SLC22A25: variants seen among roughly 807,000 people sequenced by gnomAD.
The protein encoded by SLC22A25 is solute carrier family 22 member 25.
A neutral mutation model predicts 45.9 loss-of-function variants in SLC22A25; 44 were observed. The observed-to-expected ratio is 0.96, with a 90% CI of 0.75 to 1.23. SLC22A25 has a LOEUF of 1.23. SLC22A25 is among the 50% of genes most tolerant of loss of function. SLC22A25 has a pLI of 0.00. For missense variants in SLC22A25, 800 were observed against 666.4 expected, an observed-to-expected ratio of 1.20 and a Z score of -2.21; for synonymous variants, 283 against 238.6, an observed-to-expected ratio of 1.19 and a Z score of -1.72.
intron 3 of SLC22A25, among the ~76,000 whole-genome samples, chr11:63,235,916 C>A (rs1294859637): frequency 6.6e-6 from 1 of 152,176 alleles, no homozygotes; most frequent in Non-Finnish European, 1.5e-5. Flanking sequence ...TACCCCAGAG[C>A]CTGTTTGCCT....
chr11:63,238,880 C>T lies in SLC22A25; in HGVS notation c.-740G>A, dbSNP rs2090205036. 4.1e-6 allele frequency: 1 copy of T among 241,522 alleles called. No homozygotes were observed. Among genetic ancestry groups the T allele is most frequent in the Admixed American group, 4.2e-5 (1 of 23,968 alleles). 15.0% of individuals were successfully genotyped at this position (241,522 alleles called of 1,614,324 possible). On this transcript the variant is annotated 5_prime_UTR_variant, in exon 2 of 12. Transcript: ENST00000306494. Reference sequence around the variant, plus strand: ...CGTTTCTGTGGCCTCAGGTTTGAGTCCAGTGAGATAGAGATTCTCAGGAGG... The same window carrying T: ...CGTTTCTGTGGCCTCAGGTTTGAGTTCAGTGAGATAGAGATTCTCAGGAGG...
Position 63,177,864 on chromosome 11 carries a change from A to AATATATATATAATGTATATATATAAT in SLC22A25, c.1070+2795_1070+2796insATTATATATATACATTATATATATAT, listed in dbSNP as rs58895817. On this transcript the variant is annotated intron_variant, in intron 9 of 11. Transcript: ENST00000306494. ...GTATATATATATAATGTATATATAT[A>AATATATATATAATGTATATATATAAT]ATATATATAATGTATATATATAATA... is the stretch of plus-strand genomic sequence containing the variant. 3.5e-4 allele frequency among the ~76,000 whole-genome samples: 11 copies of AATATATATATAATGTATATATATAAT among 31,068 alleles called. 1 individual carries two copies. Among genetic ancestry groups the AATATATATATAATGTATATATATAAT allele is most frequent in the African/African-American group, 1.2e-3 (11 of 9,506 alleles). The allele number at this position is 31,068 out of a possible 152,430, so 20.4% of individuals were successfully genotyped here. A position where few individuals can be genotyped will look rare whatever the true frequency, so the allele number is the denominator to read the frequency against.
chr11:63,166,697 T>A (rs1346274396), intron 9 of SLC22A25: 1 of 998,864 alleles, frequency 1.0e-6, no homozygotes, highest in Non-Finnish European at 1.2e-6. Flanking sequence ...CAATCAGGAA[T>A]GTTTACTAAA....
chr11:63,226,030 T>A (rs2089955381), intron 5 of SLC22A25, among the ~76,000 whole-genome samples: 1 of 152,182 alleles, frequency 6.6e-6, no homozygotes, highest in African/African-American at 2.4e-5. Flanking sequence ...TCTAATAGGA[T>A]TCTGAATTCC....
At chr11:63,225,799 T>C (rs183907558) in intron 5 of SLC22A25, among the ~76,000 whole-genome samples, 10 of 152,286 alleles carry the variant, frequency 6.6e-5, no homozygotes, top group Non-Finnish European at 1.5e-4. Flanking sequence ...CTAGATGTTG[T>C]GGGAGTGCTT....
chr11:63,164,096 A>G, intron 11 of SLC22A25, 23 bp from the exon 12 acceptor site: 2 of 1,544,800 alleles, frequency 1.3e-6, no homozygotes, highest in Non-Finnish European at 1.7e-6. Context: ...ACAGCAACAG[A>G]GGAAAAGTTG....
intron 7 of SLC22A25, among the ~76,000 whole-genome samples, chr11:63,206,730 C>T (rs2089414928): frequency 6.6e-6 from 1 of 152,176 alleles, no homozygotes; most frequent in African/African-American, 2.4e-5. Flanking sequence ...AGATTCAATG[C>T]TATCCCCAAC....
At chr11:63,206,816 T>C (rs1207764491) in intron 7 of SLC22A25, among the ~76,000 whole-genome samples, 2 of 152,318 alleles carry the variant, frequency 1.3e-5, no homozygotes, top group South Asian at 2.1e-4. Flanking sequence ...AGAGCCTACG[T>C]AGCCAAGGCA....
intron 7 of SLC22A25, among the ~76,000 whole-genome samples, chr11:63,192,058 T>G (rs1384014362): frequency 1.3e-5 from 2 of 152,026 alleles, no homozygotes; most frequent in Non-Finnish European, 2.9e-5. Flanking sequence ...GAAATGATGA[T>G]AGAAAAAATG....
chr11:63,198,134 A>G (rs1231580650), intron 7 of SLC22A25, among the ~76,000 whole-genome samples: 2 of 152,214 alleles, frequency 1.3e-5, no homozygotes, highest in South Asian at 2.1e-4. Context: ...TGAGACTGTA[A>G]ACTAGTTCAA....
intron 5 of SLC22A25, chr11:63,220,072 A>C (rs1431953972): frequency 1.7e-6 from 2 of 1,164,150 alleles, no homozygotes; most frequent in Non-Finnish European, 2.3e-6. Context: ...CAAACTTCTC[A>C]TGTCACAGAC....
chr11:63,185,436 C>G (rs1349910711), intron 7 of SLC22A25, among the ~76,000 whole-genome samples: 1 of 151,674 alleles, frequency 6.6e-6, no homozygotes, highest in Non-Finnish European at 1.5e-5. Flanking sequence ...TGGTTTCCAG[C>G]TTCATCCATG....
chr11:63,225,321 T>G (rs1237300825), intron 5 of SLC22A25, among the ~76,000 whole-genome samples: 1 of 152,184 alleles, frequency 6.6e-6, no homozygotes, highest in African/African-American at 2.4e-5. Flanking sequence ...ACAGGTCTGG[T>G]GTTGATGAAA....
chr11:63,211,242 A>C (rs535079474), intron 7 of SLC22A25, among the ~76,000 whole-genome samples: 22 of 152,244 alleles, frequency 1.4e-4, no homozygotes, highest in African/African-American at 4.6e-4. Flanking sequence ...ATAACAAAAC[A>C]TCTAAATCAG....
chr11:63,168,703 A>G (rs1236688499), intron 9 of SLC22A25, among the ~76,000 whole-genome samples: 2 of 152,204 alleles, frequency 1.3e-5, no homozygotes, highest in Non-Finnish European at 2.9e-5. Flanking sequence ...GGTGTACCTG[A>G]AAGTGACAGG....
chr11:63,180,389 G>T (rs1038795964), intron 9 of SLC22A25, among the ~76,000 whole-genome samples: 4 of 152,118 alleles, frequency 2.6e-5, no homozygotes, highest in Non-Finnish European at 4.4e-5. Flanking sequence ...AAGAAACTTT[G>T]AGTCTAAACC....
chr11:63,175,132 GA>G (rs2088039135), intron 9 of SLC22A25, among the ~76,000 whole-genome samples: 1 of 152,008 alleles, frequency 6.6e-6, no homozygotes, highest in Admixed American at 6.6e-5. Flanking sequence ...TTGTTTCTTT[GA>G]AAAACTGAGA....
At chr11:63,224,600 T>C (rs1055866785) in intron 5 of SLC22A25, among the ~76,000 whole-genome samples, 1 of 152,204 alleles carries the variant, frequency 6.6e-6, no homozygotes, top group Non-Finnish European at 1.5e-5. Context: ...GTATCCATTG[T>C]ATGTTTTTAG....
rs200504452 is a variant in SLC22A25, at chr11:63,222,821, G to GTT, written c.507-5088_507-5087dup. 2.6e-3 allele frequency among the ~76,000 whole-genome samples: 391 copies of GTT among 150,550 alleles called. 5 individuals carry two copies. Among genetic ancestry groups the GTT allele is most frequent in the South Asian group, 6.7e-3 (32 of 4,768 alleles). On this transcript the variant is annotated intron_variant, in intron 5 of 11. Coordinates refer to ENST00000306494, the MANE Select transcript of SLC22A25 (RefSeq NM_199352.6). ...TTCTATACCCAGTTTTTTTTTGAGA[G>GTT]TTTTTTTTTATCATGAAGCAATGTT...
Sources: gnomAD v4.1 joint callset for allele counts (sites outside exome capture counted in the v4.1 genomes callset) on GRCh38, gnomAD v4.1.1 for gene constraint, MANE v1.5 for transcripts, NCBI Gene and HGNC (gene_info 2026-07-23, HGNC 2026-07-21) for gene names.